The following LIPC variants were observed in gnomAD, a reference collection of about 807,000 sequenced individuals.
LIPC encodes the protein lipase C, hepatic type.
A neutral mutation model predicts 50.7 loss-of-function variants in LIPC; 44 were observed. The ratio of observed to expected loss-of-function variants is 0.87; its 90% confidence interval spans 0.68 to 1.11. The LOEUF is 1.11. LIPC is among the 50% of genes most tolerant of loss of function. The pLI, the probability that LIPC is intolerant of heterozygous loss-of-function variation, is 0.00. For missense variants in LIPC, 697 were observed against 648.2 expected, an observed-to-expected ratio of 1.08 and a Z score of -0.82; for synonymous variants, 271 against 256.4, an observed-to-expected ratio of 1.06 and a Z score of -0.54.
chr15:58,521,552 T>C (rs749627090), intron 1 of LIPC: 2 of 152,438 alleles, frequency 1.3e-5, no homozygotes, highest in Non-Finnish European at 2.9e-5. Context: ...CGAGCAGCTA[T>C]GGCTGGAGCC....
chr15:58,536,178 C>T (rs1893113008), intron 1 of LIPC, among the ~76,000 whole-genome samples: 1 of 152,154 alleles, frequency 6.6e-6, no homozygotes, highest in South Asian at 2.1e-4. Context: ...TTCCTGGAGG[C>T]TGTGAAGTCT....
chr15:58,468,262 C>G (rs1234286968), intron 1 of LIPC, among the ~76,000 whole-genome samples: 1 of 152,166 alleles, frequency 6.6e-6, no homozygotes, highest in Non-Finnish European at 1.5e-5. Flanking sequence ...CCCTTGCTCT[C>G]TCTGCTTCCC....
At chr15:58,471,328 T>TGGGGGGGGGGGGGGG (rs5812938) in intron 1 of LIPC, among the ~76,000 whole-genome samples, 1 of 114,178 alleles carries the variant, frequency 8.8e-6, no homozygotes. Context: ...TTAGTAGAGA[T>TGGGGGGGGGGGGGGG]GGGGGGGGGT....
intron 1 of LIPC, among the ~76,000 whole-genome samples, chr15:58,468,883 G>A (rs1894674559): frequency 3.3e-5 from 5 of 152,122 alleles, no homozygotes; most frequent in Admixed American, 3.3e-4. Flanking sequence ...TCCTCCCTAT[G>A]AACCTTGGAC....
intron 7 of LIPC, among the ~76,000 whole-genome samples, chr15:58,561,963 T>C (rs1400324105): frequency 1.3e-5 from 2 of 152,166 alleles, no homozygotes; most frequent in African/African-American, 4.8e-5. Flanking sequence ...TAGAATTTTA[T>C]TTTTAGTTTA....
chr15:58,448,978 C>T (rs485538), intron 1 of LIPC, among the ~76,000 whole-genome samples: 118,100 of 152,054 alleles, frequency 0.78, 46,119 homozygotes, highest in Middle Eastern at 0.84. Context: ...CCACACATGA[C>T]GAGAAAACTG....
intron 1 of LIPC, among the ~76,000 whole-genome samples, chr15:58,507,685 T>G (rs1488420675): frequency 2.6e-5 from 4 of 152,214 alleles, no homozygotes; most frequent in African/African-American, 9.6e-5. Context: ...CACCAGGCAC[T>G]GTGTAGAGGC....
intron 1 of LIPC, among the ~76,000 whole-genome samples, chr15:58,506,897 G>A (rs1457855283): frequency 6.6e-6 from 1 of 152,204 alleles, no homozygotes; most frequent in Non-Finnish European, 1.5e-5. Context: ...CATGGCTTGG[G>A]AGGCCTCAGG....
chr15:58,501,446 C>T (rs1391233642), intron 1 of LIPC, among the ~76,000 whole-genome samples: 1 of 151,232 alleles, frequency 6.6e-6, no homozygotes, highest in Non-Finnish European at 1.5e-5. Flanking sequence ...CAGATCTTCT[C>T]CTAAAATGAC....
intron 1 of LIPC, among the ~76,000 whole-genome samples, chr15:58,454,085 G>A (rs1894018168): frequency 6.6e-6 from 1 of 152,192 alleles, no homozygotes; most frequent in African/African-American, 2.4e-5. Flanking sequence ...GGTCACACAT[G>A]CAGAGGTGAT....
intron 1 of LIPC, among the ~76,000 whole-genome samples, chr15:58,504,327 A>G (rs1595903912): frequency 6.6e-6 from 1 of 152,332 alleles, no homozygotes; most frequent in South Asian, 2.1e-4. Flanking sequence ...CTCATTCTGA[A>G]TTTATCTTTA....
chr15:58,469,102 TTGTGTGTGTGTGTG>T (rs56309142), intron 1 of LIPC, among the ~76,000 whole-genome samples: 31 of 140,720 alleles, frequency 2.2e-4, no homozygotes, highest in African/African-American at 6.7e-4. Context: ...AGGGAACATT[TTGTGTGTGTGTGTG>T]TGTGTGTGTG....
At chr15:58,538,261 C>T in intron 1 of LIPC, 72 bp from the exon 2 acceptor site, 1 of 1,448,248 alleles carries the variant, frequency 6.9e-7, no homozygotes, top group Non-Finnish European at 9.7e-7. Flanking sequence ...GTAGAAGCAG[C>T]CTTTGAGAAG....
intron 1 of LIPC, among the ~76,000 whole-genome samples, chr15:58,460,504 C>T (rs1013684839): frequency 6.6e-6 from 1 of 152,238 alleles, no homozygotes; most frequent in African/African-American, 2.4e-5. Context: ...CTCTACCAAG[C>T]CCTCCACTTA....
Position 58,557,592 on chromosome 15 carries a change from A to G in LIPC, c.1052-3272A>G, listed in dbSNP as rs1031139723. Among the ~76,000 whole-genome samples the G allele has an allele frequency of 5.9e-5, 9 of 152,036 alleles. No individual in the cohort carries two copies. In the East Asian group the frequency reaches 1.7e-3, roughly 29 times the overall value. ...GTAGAGAACGGGGTTTCACCGTGTT[A>G]GCCAGGATGGTCTCGATCTGTTGAC... On this transcript the variant is annotated intron_variant, in intron 6 of 8. Transcript: ENST00000299022.
intron 5 of LIPC, 126 bp downstream of exon 5, chr15:58,546,101 T>C (rs1893520544): frequency 1.2e-6 from 1 of 842,980 alleles, no homozygotes. Flanking sequence ...CCAGGGTGTA[T>C]GGTCACCAAG....
intron 6 of LIPC, 131 bp from the exon 7 acceptor site, chr15:58,560,733 T>C: frequency 1.6e-6 from 1 of 620,844 alleles, no homozygotes; most frequent in East Asian, 2.8e-5. Context: ...AGCAAAAAAA[T>C]GTTGTTAACA....
At chr15:58,547,664 A>C (rs1326400133) in intron 5 of LIPC, among the ~76,000 whole-genome samples, 1 of 125,650 alleles carries the variant, frequency 8.0e-6, no homozygotes, top group East Asian at 2.1e-4. Context: ...AATCCTTAGT[A>C]GATCAACCTC....
At chr15:58,476,293 C>T (rs1297263353) in intron 1 of LIPC, among the ~76,000 whole-genome samples, 1 of 152,244 alleles carries the variant, frequency 6.6e-6, no homozygotes. Flanking sequence ...TTTTCAGGCA[C>T]AGCCTGATGA....
Sources: allele counts gnomAD v4.1 joint callset (sites outside exome capture counted in the v4.1 genomes callset), GRCh38; gene constraint gnomAD v4.1.1; transcripts MANE v1.5; gene names NCBI Gene and HGNC (gene_info 2026-07-23, HGNC 2026-07-21).